The following LARP4B variants were observed in gnomAD, a reference collection of about 807,000 sequenced individuals.
LARP4B encodes the protein La ribonucleoprotein 4B, also known as la-related protein 4B.
In LARP4B, 12 loss-of-function variants were observed where a neutral mutation model predicts 89.8. That is an observed-to-expected ratio of 0.13 (90% CI 0.09 to 0.22). The LOEUF is 0.22. LARP4B is among the 10% of genes least tolerant of loss of function. The pLI, the probability that LARP4B is intolerant of heterozygous loss-of-function variation, is 1.00. For synonymous variants in LARP4B, 367 were observed against 363.3 expected (o/e 1.01, Z -0.12); for missense variants, 757 against 947.7 (o/e 0.80, Z 2.64).
chr10:921,183 G>A (rs1836966762), intron 1 of LARP4B, among the ~76,000 whole-genome samples: 1 of 151,960 alleles, frequency 6.6e-6, no homozygotes, highest in African/African-American at 2.4e-5. Flanking sequence ...TGGGGCAGGA[G>A]AATCGCTTGA....
At chr10:903,912 CA>C (rs1191590808) in intron 1 of LARP4B, among the ~76,000 whole-genome samples, 1 of 152,016 alleles carries the variant, frequency 6.6e-6, no homozygotes, top group Admixed American at 6.6e-5. Context: ...AATGGGAAGG[CA>C]TATTTGTCCC....
In LARP4B at chr10:813,139, G is replaced by T. The variant is rs1221005357; in HGVS notation, c.2004C>A (p.Pro668=). ...CAGTGTTTGGCTTTTGTTCTTTTTG[G>T]GGTTGCAATGGGGAAGAAGGAGGCT... The part of the protein sequence containing the change: ...SKEPPSSPLQ[P]QKEQKPNTVG... The change falls in exon 18 of 18, where the codon CCC becomes CCA. Residue 668 remains proline, a synonymous_variant. Coordinates refer to ENST00000316157, the MANE Select transcript of LARP4B (RefSeq NM_015155.3). 2 of 1,613,964 alleles carry T rather than the reference G, an allele frequency of 1.2e-6. No individual in the cohort carries two copies. The highest frequency in any genetic ancestry group is 1.7e-6 in the Non-Finnish European group (2 of 1,180,010).
At chr10:845,214 A>C (rs1833714511) in intron 5 of LARP4B, among the ~76,000 whole-genome samples, 159 bp from the exon 6 acceptor site, 2 of 152,220 alleles carry the variant, frequency 1.3e-5, no homozygotes, top group Admixed American at 1.3e-4. Flanking sequence ...AAAAAAGTAA[A>C]TCATGCAAAA....
At chr10:851,716 A>AT (rs1199166112) in intron 5 of LARP4B, among the ~76,000 whole-genome samples, 1 of 152,200 alleles carries the variant, frequency 6.6e-6, no homozygotes, top group African/African-American at 2.4e-5. Context: ...AAGAAGAAAT[A>AT]AATGAGTAGC....
chr10:834,356 A>G (rs1347063218), intron 8 of LARP4B, among the ~76,000 whole-genome samples: 2 of 152,226 alleles, frequency 1.3e-5, no homozygotes, highest in Non-Finnish European at 2.9e-5. Context: ...CTATCAGTCT[A>G]CTAGTGGCAA....
At chr10:882,938 A>C (rs529518700) in intron 3 of LARP4B, among the ~76,000 whole-genome samples, 1 of 152,150 alleles carries the variant, frequency 6.6e-6, no homozygotes, top group Non-Finnish European at 1.5e-5. Flanking sequence ...CTAATCACTA[A>C]ACCAATGCAA....
At chr10:831,005 A>C in intron 8 of LARP4B, 28 bp from the exon 9 acceptor site, 1 of 880,130 alleles carries the variant, frequency 1.1e-6, no homozygotes, top group Non-Finnish European at 1.8e-6. Context: ...GTTAGAAATT[A>C]ATTCTCAACA....
chr10:978,358 GT>G, the LARP4B span, among the ~76,000 whole-genome samples: 10 of 152,064 alleles, frequency 6.6e-5, no homozygotes, highest in Admixed American at 6.6e-4. Flanking sequence ...TACGTTATTG[GT>G]TTACATTAAA....
the LARP4B span, chr10:988,136 G>T: frequency 4.0e-6 from 1 of 251,588 alleles, no homozygotes; most frequent in Non-Finnish European, 7.8e-6. Flanking sequence ...CCCTGGCCCA[G>T]GGCGCGTGGC....
chr10:976,562 T>G, the LARP4B span, among the ~76,000 whole-genome samples: 1 of 146,120 alleles, frequency 6.8e-6, no homozygotes, highest in East Asian at 2.1e-4. Context: ...CCGCGTAATG[T>G]GTGGCCGGCC....
chr10:877,918 C>G (rs1414747733), intron 3 of LARP4B, among the ~76,000 whole-genome samples: 1 of 152,176 alleles, frequency 6.6e-6, no homozygotes, highest in Non-Finnish European at 1.5e-5. Flanking sequence ...AAGGTGCTAA[C>G]TGCTACACGT....
At chr10:918,457 A>C (rs1016927660) in intron 1 of LARP4B, among the ~76,000 whole-genome samples, 4 of 151,980 alleles carry the variant, frequency 2.6e-5, no homozygotes, top group African/African-American at 4.8e-5. Context: ...ACAAGATGAA[A>C]ACCCATCTCT....
chr10:930,239 GA>G (rs1837260442), intron 1 of LARP4B, among the ~76,000 whole-genome samples: 1 of 152,120 alleles, frequency 6.6e-6, no homozygotes. Context: ...TTTCGAAAGG[GA>G]AAATAACTTG....
chr10:888,236 T>C (rs1366136592), intron 1 of LARP4B, among the ~76,000 whole-genome samples: 1 of 151,728 alleles, frequency 6.6e-6, no homozygotes, highest in Non-Finnish European at 1.5e-5. Flanking sequence ...ACTAGAATTG[T>C]TTGAACTTGA....
chr10:935,132 C>T (rs2132084453), upstream of LARP4B, among the ~76,000 whole-genome samples: 1 of 152,294 alleles, frequency 6.6e-6, no homozygotes, highest in South Asian at 2.1e-4. Context: ...CACTCACTTT[C>T]CGAGCATTTT....
rs1310826974 is a variant in LARP4B, at chr10:811,457, C to CA, written c.*1468dup. 6.6e-6 allele frequency: 1 copy of CA among 152,576 alleles called. No homozygotes were observed. The highest frequency in any genetic ancestry group is 2.4e-5 in the African/African-American group (1 of 41,442). 9.5% of individuals were successfully genotyped at this position (152,576 alleles called of 1,614,324 possible). A position where few individuals can be genotyped will look rare whatever the true frequency, so the allele number is the denominator to read the frequency against. ...TGTTGAAGATCTTTAAGGTATATTA[C>CA]AAAAACTACTACTAGCTCTTGTACT... On this transcript the variant is annotated 3_prime_UTR_variant, in exon 18 of 18. Transcript: ENST00000316157.
At chr10:982,027 C>T in the LARP4B span, among the ~76,000 whole-genome samples, 1 of 151,814 alleles carries the variant, frequency 6.6e-6, no homozygotes, top group Non-Finnish European at 1.5e-5. Context: ...CATATATGTG[C>T]TAATCAAAGC....
intron 1 of LARP4B, among the ~76,000 whole-genome samples, chr10:902,577 C>G (rs998835284): frequency 6.6e-6 from 1 of 151,956 alleles, no homozygotes; most frequent in Admixed American, 6.6e-5. Context: ...GCAGTCTAAG[C>G]AGGGCACAGC....
In LARP4B at chr10:882,975, ACT is replaced by A. The variant is rs1002921716; in HGVS notation, c.141+1470_141+1471del. ...CTCCTGGTCAACTATGAAGCATGTA[ACT>A]CTCCACACCTTTAGGTGCACTATGA... On this transcript the variant is annotated intron_variant, in intron 3 of 17. Coordinates refer to ENST00000316157, the MANE Select transcript of LARP4B (RefSeq NM_015155.3). 7.1e-4 allele frequency among the ~76,000 whole-genome samples: 108 copies of A among 152,160 alleles called. 1 individual carries two copies. Among genetic ancestry groups the A allele is most frequent in the Non-Finnish European group, 1.9e-4 (13 of 68,036 alleles).
Sources: gnomAD v4.1 joint callset for allele counts (sites outside exome capture counted in the v4.1 genomes callset) on GRCh38, gnomAD v4.1.1 for gene constraint, MANE v1.5 for transcripts, NCBI Gene and HGNC (gene_info 2026-07-23, HGNC 2026-07-21) for gene names.